IL17RB: variants seen among roughly 807,000 people sequenced by gnomAD.
IL17RB encodes the protein interleukin-17 receptor B.
Under a neutral mutation model 43.9 loss-of-function variants are expected in IL17RB, and 36 were observed. That is an observed-to-expected ratio of 0.82 (90% confidence interval 0.63 to 1.08). The LOEUF is 1.08. IL17RB is among the 50% of genes least tolerant of loss of function. The probability of loss-of-function intolerance (pLI) is 0.00; values close to 1 mark genes in which losing one functional copy is unlikely to be tolerated. For synonymous variants in IL17RB, 225 were observed against 225.4 expected, an observed-to-expected ratio of 1.00 and a Z score of 0.02; for missense variants, 613 against 613.6, an observed-to-expected ratio of 1.00 and a Z score of 0.01.
At position 53,852,927 on chromosome 3, in the gene IL17RB, G is replaced by T. The variant is rs1452225583; in HGVS notation, c.411G>T (p.Gly137=). ...AGCTGAACACAGTCTATTTCATTGGGGCCCATAATATTCCTAATGCAAATA... is the reference window on the plus strand; with the variant it reads ...AGCTGAACACAGTCTATTTCATTGGTGCCCATAATATTCCTAATGCAAATA... ...PVELNTVYFI[G]AHNIPNANMN... Residue 137 remains glycine (G), a synonymous_variant, in exon 5 of 11, where the codon GGG becomes GGT. Coordinates refer to ENST00000288167, the MANE Select transcript of IL17RB (RefSeq NM_018725.4). 6.2e-7 allele frequency: 1 copy of T among 1,613,270 alleles called. No individual in the cohort carries two copies. The highest frequency in any genetic ancestry group is 8.5e-7 in the Non-Finnish European group (1 of 1,179,370).
At chr3:53,853,585 C>T (rs1268135127) in intron 5 of IL17RB, among the ~76,000 whole-genome samples, 2 of 152,176 alleles carry the variant, frequency 1.3e-5, no homozygotes, top group Non-Finnish European at 2.9e-5. Context: ...GACACAGGAC[C>T]AGTTCTCTGG....
rs1370280450 is a variant in IL17RB, at chr3:53,852,143, TTTTTG to T, written c.354+27_354+31del. 6.2e-7 allele frequency: 1 copy of T among 1,613,322 alleles called. No individual in the cohort carries two copies. The highest frequency in any genetic ancestry group is 1.3e-5 in the African/African-American group (1 of 74,950). On this transcript the variant is annotated intron_variant, in intron 4 of 10. Coordinates refer to ENST00000288167, the MANE Select transcript of IL17RB (RefSeq NM_018725.4). Reference sequence around the variant, plus strand: ...GGTGGTAAAGTAAGCACTTTTTTGTTTTTTGTTTTGTTTTTTGAGATAGCATCTTG... The same window carrying T: ...GGTGGTAAAGTAAGCACTTTTTTGTTTTTTGTTTTTTGAGATAGCATCTTG...
chr3:53,857,387 G>A (rs932640361), intron 7 of IL17RB, among the ~76,000 whole-genome samples: 2 of 152,194 alleles, frequency 1.3e-5, no homozygotes, highest in African/African-American at 2.4e-5. Context: ...CCGGGCTCAA[G>A]TGATCCTCCC....
At chr3:53,863,815 C>A (rs935065467) in intron 10 of IL17RB, among the ~76,000 whole-genome samples, 1 of 125,042 alleles carries the variant, frequency 8.0e-6, no homozygotes, top group Non-Finnish European at 1.6e-5. Flanking sequence ...TCACACACCT[C>A]AAAGTATTTT....
chr3:53,847,504 T>C (rs1293772652), intron 1 of IL17RB, among the ~76,000 whole-genome samples: 6 of 136,950 alleles, frequency 4.4e-5, no homozygotes, highest in Admixed American at 1.5e-4. Flanking sequence ...AAAAAAAAAG[T>C]CAAGTCTGGC....
intron 10 of IL17RB, among the ~76,000 whole-genome samples, chr3:53,863,821 A>ATTT (rs11318618): frequency 2.2e-5 from 3 of 138,316 alleles, no homozygotes; most frequent in East Asian, 4.2e-4. Context: ...ACCTCAAAGT[A>ATTT]TTTTTTTTTT....
intron 1 of IL17RB, among the ~76,000 whole-genome samples, chr3:53,846,951 T>G (rs1698930049): frequency 6.6e-6 from 1 of 152,206 alleles, no homozygotes; most frequent in African/African-American, 2.4e-5. Flanking sequence ...CAGGGTCTCT[T>G]AAGGTATAAC....
At chr3:53,853,086 A>G (rs1454847438) in intron 5 of IL17RB, 89 bp downstream of exon 5, 2 of 1,506,752 alleles carry the variant, frequency 1.3e-6, no homozygotes, top group African/African-American at 2.8e-5. Flanking sequence ...AACCCTGGAT[A>G]AGGCTTTTGG....
rs3774619 is a variant in IL17RB, at chr3:53,851,765, T to A, written c.227-234T>A. 1.1e-4 allele frequency among the ~76,000 whole-genome samples: 17 copies of A among 151,730 alleles called. No homozygotes were observed. In the East Asian group the frequency reaches 1.4e-3, roughly 12 times the overall value. On this transcript the variant is annotated intron_variant, in intron 3 of 10. Coordinates refer to ENST00000288167, the MANE Select transcript of IL17RB (RefSeq NM_018725.4). ...AGGAGGGAGCTTGGGCTTTGGAATC[T>A]GAATTCGTATCTGCTACTTGCTGAT...
chr3:53,864,174 G>T (rs909144308), intron 10 of IL17RB, among the ~76,000 whole-genome samples: 1 of 152,160 alleles, frequency 6.6e-6, no homozygotes, highest in Non-Finnish European at 1.5e-5. Flanking sequence ...AAAAGAGAAG[G>T]CTTGGTTGAG....
rs1698909570 is a variant in IL17RB, at chr3:53,846,658, C to A, written c.60+10C>A. The A allele has an allele frequency of 2.5e-6, 4 of 1,588,824 alleles. No homozygotes were observed. In the East Asian group the frequency reaches 9.4e-5, roughly 37 times the overall value. On this transcript the variant is annotated intron_variant, in intron 1 of 10. Transcript: ENST00000288167. ...CGTACCCCGAGAGCCGGTAAGCCCCCGCCAGCACCTCTTCCCTCATCTCCC... is the reference window on the plus strand; with the variant it reads ...CGTACCCCGAGAGCCGGTAAGCCCCAGCCAGCACCTCTTCCCTCATCTCCC...
intron 4 of IL17RB, among the ~76,000 whole-genome samples, chr3:53,852,587 TTC>T (rs955703707): frequency 3.9e-5 from 6 of 152,204 alleles, no homozygotes; most frequent in African/African-American, 1.4e-4. Context: ...TTTCGGCTAC[TTC>T]TCTGTTTTGT....
intron 5 of IL17RB, among the ~76,000 whole-genome samples, 175 bp from the exon 6 acceptor site, chr3:53,855,116 CAAA>C (rs746854673): frequency 0.051 from 3,567 of 69,272 alleles, 71 homozygotes; most frequent in East Asian, 0.22. Context: ...GACTCCGGCT[CAAA>C]AAAAAAAAAA....
Position 53,860,133 on chromosome 3 carries a change from AAAGC to A in IL17RB, c.856_859del (p.Lys286ArgfsTer25), listed in dbSNP as rs1559782018. The stretch of plus-strand genomic sequence containing the variant: ...GAATAAGCTTTGTTTTTTCCAGACA[AAAGC>A]AAGCCGGGAGGCTGGCTGCCTCTCC... On this transcript the variant is annotated frameshift_variant, in exon 10 of 11. Coordinates refer to ENST00000288167, the MANE Select transcript of IL17RB (RefSeq NM_018725.4). LOFTEE classifies it high-confidence loss of function. The A allele has an allele frequency of 5.6e-6, 9 of 1,612,866 alleles. No individual in the cohort carries two copies. In the South Asian group the frequency reaches 9.9e-5, roughly 18 times the overall value.
rs2232340 is a variant in IL17RB, at chr3:53,856,940, C to T, written c.626C>T (p.Ala209Val). 2.3e-3 allele frequency: 3,643 copies of T among 1,614,110 alleles called. 75 individuals are homozygous for T. The African/African-American group carries it at 0.043, about 19-fold the overall frequency. ...ACTCCCCTGGGAAACAGATACATGG[C>T]TCTTATCCAACACAGCACTATCATC... is the stretch of plus-strand genomic sequence containing the variant. ...TTTPLGNRYM[A>V]LIQHSTIIGF... is the part of the protein sequence containing the mutation. Residue 209 changes from alanine (A) to valine (V), a missense_variant, in exon 7 of 11, where the codon GCT becomes GTT. Transcript: ENST00000288167.
chr3:53,847,669 C>T (rs534223282), intron 1 of IL17RB, among the ~76,000 whole-genome samples: 233 of 152,170 alleles, frequency 1.5e-3, no homozygotes, highest in African/African-American at 5.5e-3. Context: ...TGGCAGGCGC[C>T]TGTAATCCCA....
rs529944566 is a variant in IL17RB, at chr3:53,861,597, A to G, written c.946+1369A>G. The G allele has an allele frequency of 6.6e-5, 10 of 152,370 alleles. No individual in the cohort carries two copies. The South Asian group carries it at 2.1e-3, about 32-fold the overall frequency. The allele number at this position is 152,370 out of a possible 1,614,324, so 9.4% of individuals were successfully genotyped here. A position where few individuals can be genotyped will look rare whatever the true frequency, so the allele number is the denominator to read the frequency against. ...ATATGATTTGAGAAAAAGCAAAGTC[A>G]TTATATGACAACTTAAAGCAAAAGG... On this transcript the variant is annotated intron_variant, in intron 10 of 10. Transcript: ENST00000288167.
intron 6 of IL17RB, 71 bp from the exon 7 acceptor site, chr3:53,856,773 A>T (rs1699347781): frequency 1.3e-6 from 2 of 1,508,778 alleles, no homozygotes; most frequent in Admixed American, 3.4e-5. Context: ...TGTTTCCATA[A>T]AGCCCTGTGG....
In IL17RB at chr3:53,846,597, C is replaced by A. The variant is rs746854566; in HGVS notation, c.9C>A (p.Leu3=). ...CGCGCAGTGGCCCGGCGATGTCGCT[C>A]GTGCTGCTAAGCCTGGCCGCGCTGT... MS[L]VLLSLAALCR... is the part of the protein sequence containing the mutation. The change falls in exon 1 of 11, where the codon CTC becomes CTA. Residue 3 remains leucine, a synonymous_variant. Transcript: ENST00000288167. 3 of 1,586,180 alleles carry A rather than the reference C, an allele frequency of 1.9e-6. No individual in the cohort carries two copies. Among genetic ancestry groups the A allele is most frequent in the African/African-American group, 2.7e-5 (2 of 73,372 alleles).
Sources: gnomAD v4.1 joint callset for allele counts (sites outside exome capture counted in the v4.1 genomes callset) on GRCh38, gnomAD v4.1.1 for gene constraint, MANE v1.5 for transcripts, NCBI Gene and HGNC (gene_info 2026-07-23, HGNC 2026-07-21) for gene names.